The following C11orf65 variants were observed in gnomAD, a reference collection of about 807,000 sequenced individuals.
The protein encoded by C11orf65 is protein MFI.
C11orf65 carries 38 observed loss-of-function variants against 35.3 expected under a neutral mutation model. The ratio of observed to expected loss-of-function variants is 1.08; its 90% confidence interval spans 0.83 to 1.41. The LOEUF (loss-of-function observed/expected upper bound fraction) is 1.41, where lower values mean the gene tolerates loss of function less well. C11orf65 is among the 40% of genes most tolerant of loss of function. C11orf65 has a pLI of 0.00. For missense variants in C11orf65, 370 were observed against 367.1 expected, an observed-to-expected ratio of 1.01 and a Z score of -0.06; for synonymous variants, 105 against 114.4, an observed-to-expected ratio of 0.92 and a Z score of 0.53.
chr11:108,463,740 T>C (rs1053596618), intron 1 of C11orf65, among the ~76,000 whole-genome samples: 2 of 152,188 alleles, frequency 1.3e-5, no homozygotes, highest in African/African-American at 2.4e-5. Context: ...TGACCCACCA[T>C]AGCCACTCAA....
At chr11:108,431,999 T>C (rs932837753) in intron 2 of C11orf65, among the ~76,000 whole-genome samples, 161 bp from the exon 3 acceptor site, 1 of 152,236 alleles carries the variant, frequency 6.6e-6, no homozygotes, top group African/African-American at 2.4e-5. Context: ...TTTGCTTTGA[T>C]AACCCTAGTA....
intron 3 of C11orf65, among the ~76,000 whole-genome samples, chr11:108,423,300 C>G (rs1355534374): frequency 1.3e-5 from 2 of 152,132 alleles, no homozygotes; most frequent in Non-Finnish European, 2.9e-5. Context: ...CGGATCCCAC[C>G]CCCATGGAGC....
At chr11:108,456,252 C>G (rs1017861465) in intron 2 of C11orf65, among the ~76,000 whole-genome samples, 1 of 152,020 alleles carries the variant, frequency 6.6e-6, no homozygotes, top group African/African-American at 2.4e-5. Context: ...ACAATGGCAC[C>G]ACAGCAATTC....
At chr11:108,397,318 C>CA (rs375819570) in intron 6 of C11orf65, among the ~76,000 whole-genome samples, 17,962 of 87,058 alleles carry the variant, frequency 0.21, 1,219 homozygotes, top group Non-Finnish European at 0.23. Context: ...GACTCTTTCT[C>CA]AAAAAAAAAA....
intron 3 of C11orf65, among the ~76,000 whole-genome samples, chr11:108,428,371 T>C (rs549164261): frequency 4.7e-4 from 72 of 152,332 alleles, no homozygotes; most frequent in Non-Finnish European, 6.3e-4. Flanking sequence ...CGTATGTTTA[T>C]TGGAGCAGTG....
intron 3 of C11orf65, among the ~76,000 whole-genome samples, chr11:108,411,344 C>T (rs947580837): frequency 5.9e-5 from 9 of 152,178 alleles, no homozygotes; most frequent in African/African-American, 1.7e-4. Context: ...TCTGTGATTT[C>T]AAAACTTGGA....
intron 1 of C11orf65, among the ~76,000 whole-genome samples, chr11:108,463,602 G>A (rs2093497905): frequency 6.6e-6 from 1 of 152,054 alleles, no homozygotes; most frequent in Non-Finnish European, 1.5e-5. Context: ...GCATGATTTT[G>A]CCGAAGTTAC....
intron 2 of C11orf65, chr11:108,346,002 C>A: frequency 1.4e-6 from 2 of 1,433,434 alleles, no homozygotes; most frequent in Non-Finnish European, 2.0e-6. Context: ...TTCTGAGTTG[C>A]AGGGGGATGA....
intron 2 of C11orf65, chr11:108,365,028 G>GT (rs1397536959): frequency 1.9e-5 from 31 of 1,590,446 alleles, no homozygotes; most frequent in Non-Finnish European, 2.2e-5. Context: ...CTGTTTCTAA[G>GT]TATGTGATTA....
intron 3 of C11orf65, chr11:108,333,833 C>A: frequency 7.1e-7 from 1 of 1,398,692 alleles, no homozygotes; most frequent in South Asian, 1.2e-5. Flanking sequence ...CCTGCTTGAC[C>A]TTCAATGCTG....
intron 2 of C11orf65, among the ~76,000 whole-genome samples, chr11:108,450,809 A>G (rs2093337858): frequency 6.6e-6 from 1 of 151,910 alleles, no homozygotes. Context: ...CTTATCCACC[A>G]TGATCAAGTC....
chr11:108,367,336 T>G (rs1002371848), intron 2 of C11orf65: 1 of 184,942 alleles, frequency 5.4e-6, no homozygotes. Context: ...TTGTAAGTTC[T>G]GCTATGTATT....
intron 3 of C11orf65, among the ~76,000 whole-genome samples, chr11:108,427,646 C>T (rs1232239120): frequency 8.3e-6 from 1 of 119,818 alleles, no homozygotes; most frequent in Non-Finnish European, 1.6e-5. Context: ...GGCGTGAACC[C>T]GGGAGGCGGA....
At chr11:108,349,545 C>A (rs1207336349) in intron 2 of C11orf65, among the ~76,000 whole-genome samples, 1 of 152,092 alleles carries the variant, frequency 6.6e-6, no homozygotes, top group Non-Finnish European at 1.5e-5. Flanking sequence ...CACCTGTAGT[C>A]CCAGCTACTT....
At chr11:108,377,875 T>A (rs879517296), downstream of C11orf65, among the ~76,000 whole-genome samples, 160 of 152,102 alleles carry the variant, frequency 1.1e-3, no homozygotes, top group Non-Finnish European at 1.8e-3. Flanking sequence ...TGAACTCCCA[T>A]TCACAATTGC....
At chr11:108,417,741 G>C (rs1349585105) in intron 3 of C11orf65, among the ~76,000 whole-genome samples, 1 of 151,820 alleles carries the variant, frequency 6.6e-6, no homozygotes, top group Admixed American at 6.6e-5. Flanking sequence ...CACAGGGAGG[G>C]GAACATCACA....
Position 108,424,227 on chromosome 11 carries a change from G to C in C11orf65, c.174+7519C>G, listed in dbSNP as rs184883043. Among the ~76,000 whole-genome samples the C allele has an allele frequency of 3.2e-3, 494 of 152,210 alleles. 2 individuals carry two copies. The highest frequency in any genetic ancestry group is 6.4e-3 in the Admixed American group (98 of 15,280). On this transcript the variant is annotated intron_variant, in intron 3 of 8. Transcript: ENST00000393084. ...AGAATATAAATGACCTGATGGAGCTGAAAAACACAGCACAAGAACTTTGTG... is the reference window on the plus strand; with the variant it reads ...AGAATATAAATGACCTGATGGAGCTCAAAAACACAGCACAAGAACTTTGTG...
At chr11:108,317,625 A>G in intron 6 of C11orf65, 1 of 72,036 alleles carries the variant, frequency 1.4e-5, no homozygotes, top group South Asian at 5.8e-4. Context: ...TTATATATAT[A>G]TATATATATA....
In C11orf65 at chr11:108,407,997, T is replaced by TTTATTATTA. The variant is rs140542318; in HGVS notation, c.175-857_175-849dup. 5.6e-3 allele frequency among the ~76,000 whole-genome samples: 782 copies of TTTATTATTA among 139,538 alleles called. 3 individuals are homozygous for TTTATTATTA. Among genetic ancestry groups the TTTATTATTA allele is most frequent in the Non-Finnish European group, 6.6e-3 (437 of 65,832 alleles). 91.5% of individuals were successfully genotyped at this position (139,538 alleles called of 152,430 possible). A position where few individuals can be genotyped will look rare whatever the true frequency, so the allele number is the denominator to read the frequency against. On this transcript the variant is annotated intron_variant, in intron 3 of 8. Coordinates refer to ENST00000393084, the MANE Select transcript of C11orf65 (RefSeq NM_152587.5). ...TTATGAGCTAAGGACTTAATTTCTT[T>TTTATTATTA]TTATTATTATTATTATTATTATTAT...
Sources: allele counts gnomAD v4.1 joint callset (sites outside exome capture counted in the v4.1 genomes callset), GRCh38; gene constraint gnomAD v4.1.1; transcripts MANE v1.5; gene names NCBI Gene and HGNC (gene_info 2026-07-23, HGNC 2026-07-21).